Variants in RNF40 observed in about 807,000 individuals in gnomAD.
RNF40 encodes the protein E3 ubiquitin-protein ligase BRE1B.
A neutral mutation model predicts 123.3 loss-of-function variants in RNF40; 39 were observed. That is an observed-to-expected ratio of 0.32 (90% CI 0.24 to 0.41). The LOEUF is 0.41. Ranked by LOEUF, RNF40 falls within the 10% of genes least tolerant of loss-of-function variation. The probability of loss-of-function intolerance (pLI) is 1.00; values close to 1 mark genes in which losing one functional copy is unlikely to be tolerated. For missense variants in RNF40, 1,003 were observed against 1,319.9 expected, an observed-to-expected ratio of 0.76 and a Z score of 3.72; for synonymous variants, 538 against 526.0, an observed-to-expected ratio of 1.02 and a Z score of -0.31.
chr16:30,771,611 C>T (rs994135553), intron 17 of RNF40, among the ~76,000 whole-genome samples: 7 of 150,898 alleles, frequency 4.6e-5, no homozygotes, highest in African/African-American at 7.3e-5. Flanking sequence ...AGTAAGACTC[C>T]GTCTCAAAAA....
intron 5 of RNF40, 121 bp from the exon 6 acceptor site, chr16:30,764,817 G>C (rs1412507701): frequency 3.6e-6 from 5 of 1,400,502 alleles, no homozygotes; most frequent in Non-Finnish European, 4.8e-6. Context: ...TCCTGGCTTT[G>C]TCATGAGAAA....
In RNF40 at chr16:30,774,090, C is replaced by T. The variant is rs986444463; in HGVS notation, c.2982C>T (p.Asp994=). ...PKCNAAFGAH[D]FHRIYIS is the part of the protein sequence containing the mutation. ...GCAACGCGGCCTTTGGTGCCCACGA[C>T]TTCCATCGTATCTACATCAGCTGAA... is the stretch of plus-strand genomic sequence containing the variant. The change falls in exon 20 of 20, where the codon GAC becomes GAT. Residue 994 remains aspartate (D), a synonymous_variant. Coordinates refer to ENST00000324685, the MANE Select transcript of RNF40 (RefSeq NM_014771.4). The T allele has an allele frequency of 5.0e-6, 8 of 1,613,770 alleles. No individual in the cohort carries two copies. The highest frequency in any genetic ancestry group is 5.9e-6 in the Non-Finnish European group (7 of 1,179,706).
In RNF40 at chr16:30,766,940, C is replaced by T; in HGVS notation, c.1429+64C>T. The T allele has an allele frequency of 6.3e-7, 1 of 1,575,924 alleles. No homozygotes were observed. The highest frequency in any genetic ancestry group is 2.3e-5 in the East Asian group (1 of 44,248). ...GGGAGTGCTGGGCCCTGGTGTGGGG[C>T]TGCTGCTTATCCAGATGCAAGAGGC... On this transcript the variant is annotated intron_variant, in intron 11 of 19. Coordinates refer to ENST00000324685, the MANE Select transcript of RNF40 (RefSeq NM_014771.4). The surrounding 1 kb of genome is among the most constrained non-coding windows in gnomAD (Gnocchi z 5.4).
At position 30,768,487 on chromosome 16, in the gene RNF40, C is replaced by T. The variant is rs375038841; in HGVS notation, c.1936C>T (p.Arg646Trp). The change falls in exon 13 of 20, where the codon CGG becomes TGG. Residue 646 changes from arginine to tryptophan, a missense_variant. Transcript: ENST00000324685. The surrounding 1 kb of genome is among the most constrained non-coding windows in gnomAD (Gnocchi z 4.1). ...GAAGGCCAAGGTGGAAGAAACCAAG[C>T]GGAAGGAATCAGAACTCCTCAAGGG... Reference protein sequence around the residue: ...REKAKVEETKRKESELLKGLR... With the variant: ...REKAKVEETKWKESELLKGLR... The T allele has an allele frequency of 7.5e-6, 12 of 1,609,204 alleles. 1 individual carries two copies. Among genetic ancestry groups the T allele is most frequent in the East Asian group, 2.2e-5 (1 of 44,836 alleles).
Position 30,774,345 on chromosome 16 carries a change from A to T in RNF40, c.*231A>T. On this transcript the variant is annotated 3_prime_UTR_variant, in exon 20 of 20. Transcript: ENST00000324685. ...GCTGCAGCCTAGGGGGCACTGCCCT[A>T]CAGAAAAGGTCTGCCTGAGAGGCCT... 2.0e-6 allele frequency: 1 copy of T among 510,892 alleles called. No homozygotes were observed. The highest frequency in any genetic ancestry group is 3.5e-6 in the Non-Finnish European group (1 of 288,956). The allele number at this position is 510,892 out of a possible 1,614,324, so 31.6% of individuals were successfully genotyped here. A position where few individuals can be genotyped will look rare whatever the true frequency, so the allele number is the denominator to read the frequency against.
chr16:30,765,612 C>T (rs2054013680), intron 8 of RNF40, 113 bp downstream of exon 8: 2 of 912,562 alleles, frequency 2.2e-6, no homozygotes, highest in Non-Finnish European at 3.4e-6. Flanking sequence ...CCTGGTCACT[C>T]CTGCTGCTCT....
Position 30,763,309 on chromosome 16 carries a change from A to T in RNF40, c.300+24A>T, listed in dbSNP as rs759601064. 6.8e-6 allele frequency: 11 copies of T among 1,612,850 alleles called. No homozygotes were observed. In the Admixed American group the frequency reaches 1.8e-4, roughly 27 times the overall value. On this transcript the variant is annotated intron_variant, in intron 3 of 19. Coordinates refer to ENST00000324685, the MANE Select transcript of RNF40 (RefSeq NM_014771.4). ...AGGTGGATACCTTCTGCTTTCAAAG[A>T]CCAGGCCTTGATTCAGCTGCCAATC...
At chr16:30,769,942 T>A (rs1340302301) in intron 17 of RNF40, among the ~76,000 whole-genome samples, 1 of 151,674 alleles carries the variant, frequency 6.6e-6, no homozygotes, top group African/African-American at 2.4e-5. Context: ...TACAAAAAAA[T>A]TTTAAAATTA....
chr16:30,775,027 C>G lies in RNF40; in HGVS notation c.*913C>G, dbSNP rs1219751597. The G allele has an allele frequency of 2.2e-6, 1 of 456,432 alleles. No individual in the cohort carries two copies. Among genetic ancestry groups the G allele is most frequent in the Non-Finnish European group, 4.4e-6 (1 of 226,818 alleles). 28.3% of individuals were successfully genotyped at this position (456,432 alleles called of 1,614,324 possible). ...TGACACCCTGTGACTGAGCCTGTGT[C>G]CTGTCTGCCTGCCCAGCCATGCTCC... is the stretch of plus-strand genomic sequence containing the variant. On this transcript the variant is annotated 3_prime_UTR_variant, in exon 20 of 20. Coordinates refer to ENST00000324685, the MANE Select transcript of RNF40 (RefSeq NM_014771.4).
intron 15 of RNF40, 26 bp downstream of exon 15, chr16:30,769,013 T>C (rs772043461): frequency 1.2e-6 from 2 of 1,613,536 alleles, no homozygotes; most frequent in South Asian, 1.1e-5. Flanking sequence ...TGCCCTCGCG[T>C]CGGAGCGCAG....
Position 30,766,968 on chromosome 16 carries a change from A to G in RNF40, c.1429+92A>G. On this transcript the variant is annotated intron_variant, in intron 11 of 19. Coordinates refer to ENST00000324685, the MANE Select transcript of RNF40 (RefSeq NM_014771.4). This position sits in a 1 kb window ranked among gnomAD's most constrained non-coding sequence, Gnocchi z 5.4. ...CTGCTTATCCAGATGCAAGAGGCTA[A>G]GGCCTTTTTTTTCACAGAGCCTCGG... 1 of 1,484,792 alleles carries G rather than the reference A, an allele frequency of 6.7e-7. No individual in the cohort carries two copies. Among genetic ancestry groups the G allele is most frequent in the Non-Finnish European group, 9.0e-7 (1 of 1,106,796 alleles). 92.0% of individuals were successfully genotyped at this position (1,484,792 alleles called of 1,614,324 possible). A position where few individuals can be genotyped will look rare whatever the true frequency, so the allele number is the denominator to read the frequency against.
chr16:30,766,057 A>G lies in RNF40; in HGVS notation c.994-106A>G, dbSNP rs992553629. The G allele has an allele frequency of 5.3e-6, 8 of 1,510,644 alleles. No homozygotes were observed. Among genetic ancestry groups the G allele is most frequent in the Non-Finnish European group, 7.3e-6 (8 of 1,098,682 alleles). The allele number at this position is 1,510,644 out of a possible 1,614,324, so 93.6% of individuals were successfully genotyped here. A position where few individuals can be genotyped will look rare whatever the true frequency, so the allele number is the denominator to read the frequency against. ...TTGGTTTGGGGTGTCAGAATCGATC[A>G]TTGCCCTGCACGGGGTGCTTGGGGT... On this transcript the variant is annotated intron_variant, in intron 8 of 19. Coordinates refer to ENST00000324685, the MANE Select transcript of RNF40 (RefSeq NM_014771.4). This position sits in a 1 kb window ranked among gnomAD's most constrained non-coding sequence, Gnocchi z 5.4.
chr16:30,766,895 GC>G lies in RNF40; in HGVS notation c.1429+20del. On this transcript the variant is annotated intron_variant, in intron 11 of 19. Transcript: ENST00000324685. This position sits in a 1 kb window ranked among gnomAD's most constrained non-coding sequence, Gnocchi z 5.4. ...CAGGCGGGTATGTGGTGAGGATAGG[GC>G]GGAGGTGGGGCCTTATCTGGGAGTG... 1 of 1,610,128 alleles carries G rather than the reference GC, an allele frequency of 6.2e-7. No homozygotes were observed. Among genetic ancestry groups the G allele is most frequent in the South Asian group, 1.1e-5 (1 of 90,854 alleles).
At chr16:30,765,641 T>C in intron 8 of RNF40, 142 bp downstream of exon 8, 1 of 738,838 alleles carries the variant, frequency 1.4e-6, no homozygotes, top group South Asian at 1.8e-5. Flanking sequence ...TGCATTCATA[T>C]ACTTGTTGAG....
chr16:30,766,442 G>A lies in RNF40; in HGVS notation c.1177G>A (p.Ala393Thr). The A allele has an allele frequency of 6.2e-7, 1 of 1,613,994 alleles. No homozygotes were observed. Among genetic ancestry groups the A allele is most frequent in the Non-Finnish European group, 8.5e-7 (1 of 1,180,018 alleles). The change falls in exon 10 of 20, where the codon GCC (alanine) becomes ACC (threonine). Residue 393 changes from alanine (A) to threonine (T), a missense_variant. Ala to Thr is a moderately conservative substitution (Grantham distance 58). This residue lies in a region of RNF40 where 274 missense variants were observed against 356.9 expected (regional missense o/e 0.77). Coordinates refer to ENST00000324685, the MANE Select transcript of RNF40 (RefSeq NM_014771.4). The surrounding 1 kb of genome is among the most constrained non-coding windows in gnomAD (Gnocchi z 5.4). ...RETGEYRMLQ[A>T]QFSLLYNESL... is the part of the protein sequence containing the mutation. Reference sequence around the variant, plus strand: ...GACGGGGGAGTACCGCATGCTGCAGGCCCAATTCTCACTGCTCTACAACGA... The same window carrying A: ...GACGGGGGAGTACCGCATGCTGCAGACCCAATTCTCACTGCTCTACAACGA...
At chr16:30,772,257 G>C (rs573719938) in intron 19 of RNF40, 67 bp downstream of exon 19, 1 of 1,310,458 alleles carries the variant, frequency 7.6e-7, no homozygotes, top group African/African-American at 1.5e-5. Context: ...GCTGAGACTA[G>C]TGGAGAGTCT....
rs924746558 is a variant in RNF40 at position 30,764,795 on chromosome 16, G to A, written c.650-143G>A. ...GAGCTGGTTTCCTTCTCTGTGCAGT[G>A]GGGATAAAGACTCCTGGCTTTGTCA... On this transcript the variant is annotated intron_variant, in intron 5 of 19. Coordinates refer to ENST00000324685, the MANE Select transcript of RNF40 (RefSeq NM_014771.4). 4.2e-6 allele frequency: 5 copies of A among 1,191,752 alleles called. No homozygotes were observed. The East Asian group carries it at 7.2e-5, about 17-fold the overall frequency. The allele number at this position is 1,191,752 out of a possible 1,614,324, so 73.8% of individuals were successfully genotyped here.
At chr16:30,771,253 G>C (rs2054142877) in intron 17 of RNF40, among the ~76,000 whole-genome samples, 1 of 152,138 alleles carries the variant, frequency 6.6e-6, no homozygotes, top group Non-Finnish European at 1.5e-5. Context: ...CTTGAGCTGA[G>C]GCCCAGGGGA....
intron 2 of RNF40, 110 bp downstream of exon 2, chr16:30,762,787 C>A: frequency 7.4e-7 from 1 of 1,350,226 alleles, no homozygotes. Context: ...GCAAGGTCCG[C>A]GTTACAGGAC....
Sources: gnomAD v4.1 joint callset for allele counts (sites outside exome capture counted in the v4.1 genomes callset) on GRCh38, gnomAD v4.1.1 for gene constraint, gnomAD v4.1.1 regional missense constraint, Gnocchi (gnomAD v3.1) non-coding constraint, MANE v1.5 for transcripts, NCBI Gene and HGNC (gene_info 2026-07-23, HGNC 2026-07-21) for gene names.